PTPRT: variants seen among roughly 807,000 people sequenced by gnomAD.
PTPRT encodes the protein receptor-type tyrosine-protein phosphatase T.
A neutral mutation model predicts 176.8 loss-of-function variants in PTPRT; 56 were observed. That is an observed-to-expected ratio of 0.32 (90% CI 0.26 to 0.40). PTPRT has a LOEUF of 0.40. PTPRT is among the 10% of genes least tolerant of loss of function. The probability of loss-of-function intolerance (pLI) is 1.00; values close to 1 mark genes in which losing one functional copy is unlikely to be tolerated. For synonymous variants in PTPRT, 783 were observed against 739.0 expected (o/e 1.06, Z -0.96); for missense variants, 1,540 against 1,908.2 (o/e 0.81, Z 3.60).
At chr20:43,011,591 T>C (rs1463717063) in intron 1 of PTPRT, among the ~76,000 whole-genome samples, 1 of 152,202 alleles carries the variant, frequency 6.6e-6, no homozygotes, top group Non-Finnish European at 1.5e-5. Context: ...GAGCATAAAA[T>C]GAGAGGAAGC....
At chr20:42,301,334 G>A (rs2057464987) in intron 12 of PTPRT, among the ~76,000 whole-genome samples, 1 of 152,112 alleles carries the variant, frequency 6.6e-6, no homozygotes, top group African/African-American at 2.4e-5. Flanking sequence ...AACCCAACTT[G>A]AGGGACATTC....
intron 1 of PTPRT, among the ~76,000 whole-genome samples, chr20:43,179,034 C>A (rs1410088613): frequency 6.6e-6 from 1 of 152,146 alleles, no homozygotes; most frequent in East Asian, 1.9e-4. Context: ...CCACCACCCC[C>A]GAATGAAACA....
chr20:42,360,025 A>G (rs559451208), intron 9 of PTPRT, among the ~76,000 whole-genome samples: 3 of 152,202 alleles, frequency 2.0e-5, no homozygotes, highest in South Asian at 2.1e-4. Flanking sequence ...CTGTTTTCCT[A>G]TTGGCTGTGG....
intron 2 of PTPRT, among the ~76,000 whole-genome samples, chr20:42,841,610 T>TACACACACAC (rs3973897): frequency 3.5e-5 from 5 of 141,020 alleles, no homozygotes; most frequent in Admixed American, 7.1e-5. Context: ...TAGTGTTAAA[T>TACACACACAC]ACACACACAC....
chr20:42,782,382 T>C (rs1161501307), intron 3 of PTPRT, among the ~76,000 whole-genome samples: 1 of 152,204 alleles, frequency 6.6e-6, no homozygotes, highest in Non-Finnish European at 1.5e-5. Context: ...GGTGTCCAGG[T>C]CACAGATCTG....
intron 2 of PTPRT, among the ~76,000 whole-genome samples, chr20:42,809,278 G>A (rs767013901): frequency 9.2e-5 from 14 of 152,260 alleles, no homozygotes; most frequent in East Asian, 3.9e-4. Context: ...AAGGGCTGCC[G>A]GAAACAAACG....
At chr20:42,536,756 A>G (rs572209728) in intron 7 of PTPRT, among the ~76,000 whole-genome samples, 1 of 152,286 alleles carries the variant, frequency 6.6e-6, no homozygotes, top group Non-Finnish European at 1.5e-5. Flanking sequence ...AGAAATGAAA[A>G]CTTTTTTTGT....
chr20:42,459,524 G>C (rs1469157218), intron 8 of PTPRT, among the ~76,000 whole-genome samples: 1 of 152,208 alleles, frequency 6.6e-6, no homozygotes, highest in Admixed American at 6.5e-5. Flanking sequence ...ACAGTGGTTT[G>C]GACCTAAGGG....
At chr20:43,047,496 T>C (rs1311314883) in intron 1 of PTPRT, among the ~76,000 whole-genome samples, 1 of 152,094 alleles carries the variant, frequency 6.6e-6, no homozygotes, top group African/African-American at 2.4e-5. Flanking sequence ...AGACATTCAC[T>C]CTTGGGGGGC....
chr20:42,739,735 A>G (rs1600683494), intron 6 of PTPRT, among the ~76,000 whole-genome samples: 1 of 152,340 alleles, frequency 6.6e-6, no homozygotes, highest in East Asian at 1.9e-4. Context: ...GTATTAATAG[A>G]TCATTCTCAT....
intron 2 of PTPRT, among the ~76,000 whole-genome samples, chr20:42,847,798 G>A (rs996514463): frequency 1.3e-5 from 2 of 152,152 alleles, no homozygotes; most frequent in Admixed American, 6.5e-5. Context: ...AGGGCAAGAG[G>A]CAGTGATGTT....
At chr20:42,331,433 A>T (rs894239572) in intron 11 of PTPRT, among the ~76,000 whole-genome samples, 25 of 151,012 alleles carry the variant, frequency 1.7e-4, no homozygotes, top group Non-Finnish European at 5.9e-5. Context: ...TTTTTTTTTT[A>T]AATATAATAC....
intron 2 of PTPRT, among the ~76,000 whole-genome samples, chr20:42,847,810 C>A (rs551869420): frequency 8.5e-5 from 13 of 152,290 alleles, no homozygotes; most frequent in African/African-American, 2.9e-4. Flanking sequence ...AGTGATGTTT[C>A]CATCCTGTTA....
At position 43,185,930 on chromosome 20, in the gene PTPRT, C is replaced by CAA. The variant is rs11476337; in HGVS notation, c.88+3714_88+3715dup. On this transcript the variant is annotated intron_variant, in intron 1 of 30. Transcript: ENST00000373187. ...CTGGGCAACAGAGTAAGACTGATCT[C>CAA]AAAAAAAAAAAAGGAAACTAAAAAT... Among the ~76,000 whole-genome samples the CAA allele has an allele frequency of 9.5e-5, 14 of 147,008 alleles. No homozygotes were observed. In the East Asian group the frequency reaches 9.9e-4, roughly 10 times the overall value.
the PTPRT span, among the ~76,000 whole-genome samples, chr20:42,052,489 C>T: frequency 1.3e-5 from 2 of 152,204 alleles, no homozygotes; most frequent in Admixed American, 6.5e-5. Context: ...CCCCACACCC[C>T]GCATACTTCC....
intron 1 of PTPRT, among the ~76,000 whole-genome samples, chr20:42,967,652 C>T (rs1982377123): frequency 6.6e-6 from 1 of 152,146 alleles, no homozygotes; most frequent in Admixed American, 6.5e-5. Context: ...GCCCTACGAA[C>T]CGAAAACAGT....
intron 7 of PTPRT, among the ~76,000 whole-genome samples, chr20:42,647,657 G>A (rs1435167394): frequency 6.6e-6 from 1 of 152,116 alleles, no homozygotes; most frequent in Non-Finnish European, 1.5e-5. Context: ...CTGCACTTGA[G>A]CATTCCACCC....
intron 23 of PTPRT, 61 bp downstream of exon 23, chr20:42,110,272 G>A (rs868805509): frequency 9.4e-5 from 140 of 1,488,566 alleles, no homozygotes; most frequent in Middle Eastern, 5.5e-4. Flanking sequence ...GGCTGGTCTC[G>A]AACTCCTGAC....
chr20:42,709,370 C>A (rs1001830165), intron 6 of PTPRT, among the ~76,000 whole-genome samples: 1 of 152,140 alleles, frequency 6.6e-6, no homozygotes, highest in African/African-American at 2.4e-5. Flanking sequence ...GGCCTCCTTG[C>A]AGTAATAAGT....
Sources: gnomAD v4.1 joint callset for allele counts (sites outside exome capture counted in the v4.1 genomes callset) on GRCh38, gnomAD v4.1.1 for gene constraint, MANE v1.5 for transcripts, NCBI Gene and HGNC (gene_info 2026-07-23, HGNC 2026-07-21) for gene names.